Variants in DSG2 observed in about 807,000 individuals in gnomAD.
DSG2 encodes desmoglein-2.
A neutral mutation model predicts 75.6 loss-of-function variants in DSG2; 45 were observed. The ratio of observed to expected loss-of-function variants is 0.60; its 90% CI spans 0.47 to 0.76. The LOEUF (loss-of-function observed/expected upper bound fraction) is 0.76. Ranked by LOEUF, DSG2 falls within the 30% of genes least tolerant of loss-of-function variation. DSG2 has a pLI of 0.00. For missense variants in DSG2, 1,267 were observed against 1,357.4 expected, an observed-to-expected ratio of 0.93 and a Z score of 1.05; for synonymous variants, 429 against 483.9, an observed-to-expected ratio of 0.89 and a Z score of 1.49.
At position 31,542,572 on chromosome 18, in the gene DSG2, A is replaced by C; in HGVS notation, c.2054A>C (p.Asn685Thr). 6.2e-7 allele frequency: 1 copy of C among 1,614,088 alleles called. No homozygotes were observed. The highest frequency in any genetic ancestry group is 8.5e-7 in the Non-Finnish European group (1 of 1,180,014). Reference sequence around the variant, plus strand: ...CAAGGGGGCAGTCTAGTAGGAAGAAATGGAGTAGGAGGTATGGCCAAGGAA... The same window carrying C: ...CAAGGGGGCAGTCTAGTAGGAAGAACTGGAGTAGGAGGTATGGCCAAGGAA... Reference protein sequence around the residue: ...VDQGGSLVGRNGVGGMAKEAT... With the variant: ...VDQGGSLVGRTGVGGMAKEAT... The change falls in exon 14 of 15, where the codon AAT (asparagine) becomes ACT (threonine). Residue 685 changes from asparagine to threonine, a missense_variant. Transcript: ENST00000261590.
rs759572082 is a variant in DSG2 at position 31,542,753 on chromosome 18, G to C, written c.2235G>C (p.Thr745=). 9 of 1,613,858 alleles carry C rather than the reference G, an allele frequency of 5.6e-6. No homozygotes were observed. ...ATGAIMTTET[T]KTARATGASR... ...GCGCTATCATGACCACTGAAACCAC[G>C]AAGACCGCAAGGGCCACAGGGGCTT... Residue 745 remains threonine (T), a synonymous_variant, in exon 14 of 15, where the codon ACG becomes ACC. Coordinates refer to ENST00000261590, the MANE Select transcript of DSG2 (RefSeq NM_001943.5).
At chr18:31,514,331 G>C (rs1449560879) in intron 1 of DSG2, among the ~76,000 whole-genome samples, 6 of 152,132 alleles carry the variant, frequency 3.9e-5, no homozygotes, top group Non-Finnish European at 7.4e-5. Context: ...TGTGTGCTAG[G>C]TAATTGTTGA....
rs1192343050 is a variant in DSG2 at position 31,520,846 on chromosome 18, A to G, written c.260A>G (p.Tyr87Cys). 6.2e-7 allele frequency: 1 copy of G among 1,613,860 alleles called. No individual in the cohort carries two copies. The highest frequency in any genetic ancestry group is 1.1e-5 in the South Asian group (1 of 91,058). The change falls in exon 4 of 15, where the codon TAC becomes TGC. Residue 87 changes from tyrosine (Y) to cysteine (C), a missense_variant. By Grantham distance (194) the Tyr-to-Cys change is radical. Coordinates refer to ENST00000261590, the MANE Select transcript of DSG2 (RefSeq NM_001943.5). The stretch of plus-strand genomic sequence containing the variant: ...GAAGAAAGAGGACTCAAAATTACTT[A>G]CAAATACACTGGAAAAGGGATTACA... ...LAEERGLKIT[Y>C]KYTGKGITEP...
At chr18:31,515,105 TTTTG>T (rs919718644) in intron 1 of DSG2, among the ~76,000 whole-genome samples, 6 of 152,164 alleles carry the variant, frequency 3.9e-5, no homozygotes, top group African/African-American at 1.2e-4. Flanking sequence ...TATTAAATTT[TTTTG>T]TTTGTTTGTT....
At chr18:31,530,235 G>A (rs2073186387) in intron 8 of DSG2, among the ~76,000 whole-genome samples, 3 of 152,140 alleles carry the variant, frequency 2.0e-5, no homozygotes, top group Admixed American at 6.5e-5. Context: ...ATATGCTAAT[G>A]TGTAATATAT....
chr18:31,518,200 C>G (rs1428842678), intron 1 of DSG2, 39 bp from the exon 2 acceptor site: 3 of 1,498,772 alleles, frequency 2.0e-6, no homozygotes, highest in Non-Finnish European at 2.8e-6. Context: ...CTGAATTGAG[C>G]AGTAAATTGG....
chr18:31,512,668 C>A (rs866260856), intron 1 of DSG2, among the ~76,000 whole-genome samples: 1 of 152,242 alleles, frequency 6.6e-6, no homozygotes, highest in East Asian at 1.9e-4. Context: ...CACTGATTCA[C>A]CACCGCATGG....
intron 1 of DSG2, among the ~76,000 whole-genome samples, chr18:31,513,192 A>C (rs1465231166): frequency 2.0e-5 from 3 of 152,226 alleles, no homozygotes; most frequent in Non-Finnish European, 4.4e-5. Flanking sequence ...GTTTAGAGAG[A>C]GAGTTGGTCC....
chr18:31,523,293 C>T (rs530349954), intron 6 of DSG2, among the ~76,000 whole-genome samples: 20 of 152,028 alleles, frequency 1.3e-4, no homozygotes, highest in African/African-American at 4.6e-4. Flanking sequence ...CCCAGCTACT[C>T]GGGAGGCTGA....
At position 31,524,851 on chromosome 18, in the gene DSG2, A is replaced by G; in HGVS notation, c.977A>G (p.Asp326Gly). The change falls in exon 8 of 15, where the codon GAT (aspartate) becomes GGT (glycine). Residue 326 changes from aspartate (D) to glycine (G), a missense_variant. Transcript: ENST00000261590. ...GGAGGTTATTTCCACATAGAAACAG[A>G]TGCTCAAACTAACGAAGGAATTGTG... ...NEGGYFHIET[D>G]AQTNEGIVTL... 1 of 1,614,228 alleles carries G rather than the reference A, an allele frequency of 6.2e-7. No homozygotes were observed. Among genetic ancestry groups the G allele is most frequent in the Non-Finnish European group, 8.5e-7 (1 of 1,180,032 alleles).
chr18:31,523,850 T>G (rs149169493), intron 6 of DSG2, among the ~76,000 whole-genome samples: 1 of 152,362 alleles, frequency 6.6e-6, no homozygotes, highest in Non-Finnish European at 1.5e-5. Context: ...AGGGTCCTGG[T>G]GTCCTGCTGT....
At position 31,498,229 on chromosome 18, in the gene DSG2, C is replaced by A; in HGVS notation, c.-23C>A. ...GCGGCGGCGCGGAGCGGTGCGGCGG[C>A]GGGAGGCGGAGGCGAGGGTGCGATG... On this transcript the variant is annotated 5_prime_UTR_variant, in exon 1 of 15. Transcript: ENST00000261590. 8.0e-7 allele frequency: 1 copy of A among 1,250,798 alleles called. No individual in the cohort carries two copies. The highest frequency in any genetic ancestry group is 4.0e-5 in the South Asian group (1 of 25,142). 77.5% of individuals were successfully genotyped at this position (1,250,798 alleles called of 1,614,324 possible). A position where few individuals can be genotyped will look rare whatever the true frequency, so the allele number is the denominator to read the frequency against.
At chr18:31,512,687 T>G (rs1423038819) in intron 1 of DSG2, among the ~76,000 whole-genome samples, 1 of 152,242 alleles carries the variant, frequency 6.6e-6, no homozygotes, top group Non-Finnish European at 1.5e-5. Context: ...GGCCTGGGCG[T>G]TCCTTTTGCA....
At chr18:31,528,743 T>C (rs2096919) in intron 8 of DSG2, among the ~76,000 whole-genome samples, 34,422 of 151,382 alleles carry the variant, frequency 0.23, 6,231 homozygotes, top group African/African-American at 0.51. Flanking sequence ...CTGATTATGC[T>C]ATGTATAAGG....
chr18:31,505,558 A>G lies in DSG2; in HGVS notation c.45+7262A>G, dbSNP rs558275218. ...ATTCTTTAAAAATGTGAGTTAAAGT[A>G]TCTTTCTGTGTTTAGAAAAGCTGGA... On this transcript the variant is annotated intron_variant, in intron 1 of 14. Transcript: ENST00000261590. 4.6e-5 allele frequency among the ~76,000 whole-genome samples: 7 copies of G among 152,066 alleles called. No homozygotes were observed. In the South Asian group the frequency reaches 1.5e-3, roughly 32 times the overall value.
intron 1 of DSG2, among the ~76,000 whole-genome samples, chr18:31,514,696 C>T (rs1400211033): frequency 6.6e-6 from 1 of 152,228 alleles, no homozygotes; most frequent in Non-Finnish European, 1.5e-5. Flanking sequence ...TCTAGACCTA[C>T]TGAATTGGAA....
At chr18:31,518,840 A>T (rs1009536365) in intron 2 of DSG2, among the ~76,000 whole-genome samples, 7 of 152,190 alleles carry the variant, frequency 4.6e-5, no homozygotes, top group Admixed American at 1.3e-4. Flanking sequence ...TATAAGGATT[A>T]TTTCTGATCT....
chr18:31,515,636 A>G (rs559987859), intron 1 of DSG2, among the ~76,000 whole-genome samples: 2 of 152,336 alleles, frequency 1.3e-5, no homozygotes, highest in East Asian at 1.9e-4. Context: ...TAGCTGGGCA[A>G]GTTAATAGTA....
In DSG2 at chr18:31,516,887, T is replaced by G. The variant is rs75749305; in HGVS notation, c.46-1352T>G. ...AGTCTGCTAGCTGCTCCGGTAGAAC[T>G]GTGTGCAGCGGTGGAAATGTTTTCT... On this transcript the variant is annotated intron_variant, in intron 1 of 14. Transcript: ENST00000261590. 7.8e-3 allele frequency among the ~76,000 whole-genome samples: 1,193 copies of G among 152,334 alleles called. 17 individuals are homozygous for G. The highest frequency in any genetic ancestry group is 0.028 in the African/African-American group (1,146 of 41,574).
Sources: allele counts gnomAD v4.1 joint callset (sites outside exome capture counted in the v4.1 genomes callset), GRCh38; gene constraint gnomAD v4.1.1; transcripts MANE v1.5; gene names NCBI Gene and HGNC (gene_info 2026-07-23, HGNC 2026-07-21).